The following KRTAP1-1 variants were observed in gnomAD, a reference collection of about 807,000 sequenced individuals.
KRTAP1-1 encodes the protein keratin-associated protein 1-1.
KRTAP1-1 carries 9 observed loss-of-function variants against 14.1 expected under a neutral mutation model. The observed-to-expected ratio is 0.64, with a 90% CI of 0.39 to 1.12. The LOEUF (loss-of-function observed/expected upper bound fraction) is 1.12. Ranked by LOEUF, KRTAP1-1 falls within the 50% of genes most tolerant of loss-of-function variation. KRTAP1-1 has a pLI of 0.01. For missense variants in KRTAP1-1, 179 were observed against 230.9 expected (o/e 0.78, Z 1.46); for synonymous variants, 77 against 80.5 (o/e 0.96, Z 0.23).
At position 41,041,194 on chromosome 17, in the gene KRTAP1-1, A is replaced by G; in HGVS notation, c.204T>C (p.Ser68=). 6.2e-7 allele frequency: 1 copy of G among 1,611,748 alleles called. No individual in the cohort carries two copies. The highest frequency in any genetic ancestry group is 1.7e-4 in the Middle Eastern group (1 of 6,054). Residue 68 remains serine, a synonymous_variant, in exon 1 of 1, where the codon TCT becomes TCC. Transcript: ENST00000306271. ...PSFSTGGTCD[S]SCCQPSCCET... ...CACAGCAGCTTGGCTGGCAGCAGCT[A>G]GAGTCACAAGTCCCACCGGTTGAGA...
rs1392186481 is a variant in KRTAP1-1, at chr17:41,041,009, A to G, written c.389T>C (p.Leu130Pro). The G allele has an allele frequency of 6.2e-7, 1 of 1,613,756 alleles. No individual in the cohort carries two copies. The highest frequency in any genetic ancestry group is 1.3e-5 in the African/African-American group (1 of 74,926). Residue 130 changes from leucine to proline, a missense_variant, in exon 1 of 1, where the codon CTG becomes CCG. Physicochemically the swap from Leu to Pro is moderately conservative, Grantham distance 98. Coordinates refer to ENST00000306271, the MANE Select transcript of KRTAP1-1 (RefSeq NM_030967.3). ...GCAGCTCACCACGCAGCAGGGGGGCAGGCAGGTACCCTCCACACGGCAGTC... is the reference window on the plus strand; with the variant it reads ...GCAGCTCACCACGCAGCAGGGGGGCGGGCAGGTACCCTCCACACGGCAGTC... The part of the protein sequence containing the change: ...RPDCRVEGTC[L>P]PPCCVVSCTP...
Position 41,040,891 on chromosome 17 carries a change from G to A in KRTAP1-1, c.507C>T (p.Cys169=). Residue 169 remains cysteine (C), a synonymous_variant, in exon 1 of 1, where the codon TGC becomes TGT. Coordinates refer to ENST00000306271, the MANE Select transcript of KRTAP1-1 (RefSeq NM_030967.3). ...CGQSCCRPVC[C]CYCSEPTC is the part of the protein sequence containing the mutation. ...AACAAGTGGGCTCAGAGCAGTAGCA[G>A]CAGCAGACTGGGCGGCAACAGGACT... The A allele has an allele frequency of 1.9e-6, 3 of 1,594,470 alleles. No homozygotes were observed. The highest frequency in any genetic ancestry group is 2.6e-6 in the Non-Finnish European group (3 of 1,167,156).
chr17:41,041,420 G>T lies in KRTAP1-1; in HGVS notation c.-23C>A. On this transcript the variant is annotated 5_prime_UTR_variant, in exon 1 of 1. Transcript: ENST00000306271. The stretch of plus-strand genomic sequence containing the variant: ...CATGGTGTCAGGAGTTGATCTGAAG[G>T]TTGGGTTGCTTGGAGGAGTTTCTGA... The T allele has an allele frequency of 6.2e-7, 1 of 1,609,864 alleles. No individual in the cohort carries two copies. Among genetic ancestry groups the T allele is most frequent in the Non-Finnish European group, 8.5e-7 (1 of 1,176,578 alleles).
In KRTAP1-1 at chr17:41,040,860, GT is replaced by G; in HGVS notation, c.*3del. ...TTATCAGGATCCCCAGCAGAAGGAG[GT>G]TTTCAACAAGTGGGCTCAGAGCAGT... On this transcript the variant is annotated 3_prime_UTR_variant, in exon 1 of 1. Coordinates refer to ENST00000306271, the MANE Select transcript of KRTAP1-1 (RefSeq NM_030967.3). The G allele has an allele frequency of 2.6e-6, 4 of 1,558,926 alleles. No individual in the cohort carries two copies. The highest frequency in any genetic ancestry group is 3.5e-6 in the Non-Finnish European group (4 of 1,151,018).
Position 41,040,914 on chromosome 17 carries a change from A to G in KRTAP1-1, c.484T>C (p.Ser162Pro), listed in dbSNP as rs1315150500. The change falls in exon 1 of 1, where the codon TCC (serine) becomes CCC (proline). Residue 162 changes from serine (S) to proline (P), a missense_variant. Physicochemically the swap from Ser to Pro is moderately conservative, Grantham distance 74. Transcript: ENST00000306271. ...SCCRPSYCGQ[S>P]CCRPVCCCYC... Reference sequence around the variant, plus strand: ...CAGCAGCAGACTGGGCGGCAACAGGACTGTCCACAGTAGGATGGGCGGCAG... The same window carrying G: ...CAGCAGCAGACTGGGCGGCAACAGGGCTGTCCACAGTAGGATGGGCGGCAG... 6.2e-7 allele frequency: 1 copy of G among 1,608,138 alleles called. No individual in the cohort carries two copies. Among genetic ancestry groups the G allele is most frequent in the Non-Finnish European group, 8.5e-7 (1 of 1,175,900 alleles).
In KRTAP1-1 at chr17:41,041,342, G is replaced by T. The variant is rs369511015; in HGVS notation, c.56C>A (p.Thr19Asn). 1 of 1,539,164 alleles carries T rather than the reference G, an allele frequency of 6.5e-7. No homozygotes were observed. Among genetic ancestry groups the T allele is most frequent in the Non-Finnish European group, 8.7e-7 (1 of 1,152,956 alleles). ...CGFPSCSTSG[T>N]CGSSCCQPSC... The stretch of plus-strand genomic sequence containing the variant: ...TGGCTGGCAGCAGCTGGAGCCGCAG[G>T]TCCCACTGGTGGAGCAGCTGGGAAA... Residue 19 changes from threonine to asparagine, a missense_variant, in exon 1 of 1, where the codon ACC becomes AAC. Physicochemically the swap from Thr to Asn is moderately conservative, Grantham distance 65. Coordinates refer to ENST00000306271, the MANE Select transcript of KRTAP1-1 (RefSeq NM_030967.3).
chr17:41,041,047 C>T lies in KRTAP1-1; in HGVS notation c.351G>A (p.Arg117=). 1 of 1,613,794 alleles carries T rather than the reference C, an allele frequency of 6.2e-7. No homozygotes were observed. Among genetic ancestry groups the T allele is most frequent in the African/African-American group, 1.3e-5 (1 of 75,054 alleles). The stretch of plus-strand genomic sequence containing the variant: ...CCACACGGCAGTCTGGGCGGCACCA[C>T]CTGATACGGGTGCTCACAGCTCCAC... The part of the protein sequence containing the change: ...GSSGAVSTRI[R]WCRPDCRVEG... The change falls in exon 1 of 1, where the codon AGG becomes AGA. Residue 117 remains arginine (R), a synonymous_variant. Transcript: ENST00000306271.
rs199855610 is a variant in KRTAP1-1, at chr17:41,041,015, G to A, written c.383C>T (p.Thr128Ile). 1.2e-6 allele frequency: 2 copies of A among 1,613,838 alleles called. No individual in the cohort carries two copies. Among genetic ancestry groups the A allele is most frequent in the Non-Finnish European group, 8.5e-7 (1 of 1,180,008 alleles). ...WCRPDCRVEG[T>I]CLPPCCVVSC... ...CACCACGCAGCAGGGGGGCAGGCAG[G>A]TACCCTCCACACGGCAGTCTGGGCG... Residue 128 changes from threonine (T) to isoleucine (I), a missense_variant, in exon 1 of 1, where the codon ACC becomes ATC. By Grantham distance (89) the Thr-to-Ile change is moderately conservative. Transcript: ENST00000306271.
In KRTAP1-1 at chr17:41,040,680, C is replaced by G. The variant is rs1372612204; in HGVS notation, c.*184G>C. The G allele has an allele frequency of 1.1e-5, 7 of 618,192 alleles. No homozygotes were observed. Among genetic ancestry groups the G allele is most frequent in the Admixed American group, 3.4e-5 (1 of 29,694 alleles). The allele number at this position is 618,192 out of a possible 1,614,324, so 38.3% of individuals were successfully genotyped here. A position where few individuals can be genotyped will look rare whatever the true frequency, so the allele number is the denominator to read the frequency against. Reference sequence around the variant, plus strand: ...ACATTGTAGGACTTTGGCTGACAACCAGGTCTAGGAAAAATTTTTGGTCTT... The same window carrying G: ...ACATTGTAGGACTTTGGCTGACAACGAGGTCTAGGAAAAATTTTTGGTCTT... On this transcript the variant is annotated 3_prime_UTR_variant, in exon 1 of 1. Transcript: ENST00000306271.
In KRTAP1-1 at chr17:41,040,668, TTGGC is replaced by T. The variant is rs2012688961; in HGVS notation, c.*192_*195del. 3.6e-6 allele frequency: 2 copies of T among 562,324 alleles called. No homozygotes were observed. Among genetic ancestry groups the T allele is most frequent in the Non-Finnish European group, 6.2e-6 (2 of 321,340 alleles). The allele number at this position is 562,324 out of a possible 1,614,324, so 34.8% of individuals were successfully genotyped here. On this transcript the variant is annotated 3_prime_UTR_variant, in exon 1 of 1. Coordinates refer to ENST00000306271, the MANE Select transcript of KRTAP1-1 (RefSeq NM_030967.3). The stretch of plus-strand genomic sequence containing the variant: ...CTAACTCTTTTCACATTGTAGGACT[TTGGC>T]TGACAACCAGGTCTAGGAAAAATTT...
chr17:41,041,030 C>A lies in KRTAP1-1; in HGVS notation c.368G>T (p.Cys123Phe). 1 of 1,613,828 alleles carries A rather than the reference C, an allele frequency of 6.2e-7. No homozygotes were observed. The highest frequency in any genetic ancestry group is 8.5e-7 in the Non-Finnish European group (1 of 1,180,022). The stretch of plus-strand genomic sequence containing the variant: ...GGGCAGGCAGGTACCCTCCACACGG[C>A]AGTCTGGGCGGCACCACCTGATACG... ...STRIRWCRPD[C>F]RVEGTCLPPC... Residue 123 changes from cysteine (C) to phenylalanine (F), a missense_variant, in exon 1 of 1, where the codon TGC (cysteine) becomes TTC (phenylalanine). Transcript: ENST00000306271.
chr17:41,041,055 G>C lies in KRTAP1-1; in HGVS notation c.343C>G (p.Arg115Gly). 1 of 1,613,776 alleles carries C rather than the reference G, an allele frequency of 6.2e-7. No individual in the cohort carries two copies. The highest frequency in any genetic ancestry group is 1.1e-5 in the South Asian group (1 of 91,066). The change falls in exon 1 of 1, where the codon CGT (arginine) becomes GGT (glycine). Residue 115 changes from arginine to glycine, a missense_variant. Arg to Gly is a moderately radical substitution (Grantham distance 125). Transcript: ENST00000306271. ...QEGSSGAVST[R>G]IRWCRPDCRV... ...CAGTCTGGGCGGCACCACCTGATAC[G>C]GGTGCTCACAGCTCCACTGCTGCCC...
At position 41,041,005 on chromosome 17, in the gene KRTAP1-1, G is replaced by T. The variant is rs534898730; in HGVS notation, c.393C>A (p.Pro131=). 46 of 1,613,852 alleles carry T rather than the reference G, an allele frequency of 2.9e-5. No homozygotes were observed. Among genetic ancestry groups the T allele is most frequent in the Non-Finnish European group, 3.8e-5 (45 of 1,180,014 alleles). Residue 131 remains proline (P), a synonymous_variant, in exon 1 of 1, where the codon CCC becomes CCA. Coordinates refer to ENST00000306271, the MANE Select transcript of KRTAP1-1 (RefSeq NM_030967.3). ...PDCRVEGTCL[P]PCCVVSCTPP... Reference sequence around the variant, plus strand: ...GTGTGCAGCTCACCACGCAGCAGGGGGGCAGGCAGGTACCCTCCACACGGC... The same window carrying T: ...GTGTGCAGCTCACCACGCAGCAGGGTGGCAGGCAGGTACCCTCCACACGGC...
chr17:41,041,290 C>T lies in KRTAP1-1; in HGVS notation c.108G>A (p.Gln36=), dbSNP rs954802870. The part of the protein sequence containing the change: ...QPSCCETSSC[Q]PRCCETSCCQ... Reference sequence around the variant, plus strand: ...AGCAGCTGGTCTCACAGCAGCGTGGCTGGCAGGAGCTGGTCTCACAGCAGC... The same window carrying T: ...AGCAGCTGGTCTCACAGCAGCGTGGTTGGCAGGAGCTGGTCTCACAGCAGC... Residue 36 remains glutamine, a synonymous_variant, in exon 1 of 1, where the codon CAG becomes CAA. Coordinates refer to ENST00000306271, the MANE Select transcript of KRTAP1-1 (RefSeq NM_030967.3). 1 of 1,515,600 alleles carries T rather than the reference C, an allele frequency of 6.6e-7. No homozygotes were observed. The highest frequency in any genetic ancestry group is 8.7e-7 in the Non-Finnish European group (1 of 1,144,290). 93.9% of individuals were successfully genotyped at this position (1,515,600 alleles called of 1,614,324 possible). A position where few individuals can be genotyped will look rare whatever the true frequency, so the allele number is the denominator to read the frequency against.
rs2012720395 is a variant in KRTAP1-1, at chr17:41,041,445, A to G, written c.-48T>C. 9 of 1,590,902 alleles carry G rather than the reference A, an allele frequency of 5.7e-6. No homozygotes were observed. The highest frequency in any genetic ancestry group is 1.3e-5 in the African/African-American group (1 of 74,384). On this transcript the variant is annotated 5_prime_UTR_variant, in exon 1 of 1. Transcript: ENST00000306271. Reference sequence around the variant, plus strand: ...GTTGGGTTGCTTGGAGGAGTTTCTGAATTATGGCTGCCTATTCCACTGCCG... The same window carrying G: ...GTTGGGTTGCTTGGAGGAGTTTCTGGATTATGGCTGCCTATTCCACTGCCG...
In KRTAP1-1 at chr17:41,041,246, T is replaced by G. The variant is rs776265493; in HGVS notation, c.152A>C (p.Gln51Pro). 6 of 1,594,934 alleles carry G rather than the reference T, an allele frequency of 3.8e-6. No individual in the cohort carries two copies. In the South Asian group the frequency reaches 5.7e-5, roughly 15 times the overall value. ...ETSCCQPSCC[Q>P]TSFCGFPSFS... is the part of the protein sequence containing the mutation. ...GCTAGGAAATCCACAGAAGCTGGTC[T>G]GGCAGCAGCTTGGCTGGCAGCAGCT... Residue 51 changes from glutamine to proline, a missense_variant, in exon 1 of 1, where the codon CAG becomes CCG. Coordinates refer to ENST00000306271, the MANE Select transcript of KRTAP1-1 (RefSeq NM_030967.3).
Position 41,041,424 on chromosome 17 carries a change from G to A in KRTAP1-1, c.-27C>T. On this transcript the variant is annotated 5_prime_UTR_variant, in exon 1 of 1. Transcript: ENST00000306271. Reference sequence around the variant, plus strand: ...GTGTCAGGAGTTGATCTGAAGGTTGGGTTGCTTGGAGGAGTTTCTGAATTA... The same window carrying A: ...GTGTCAGGAGTTGATCTGAAGGTTGAGTTGCTTGGAGGAGTTTCTGAATTA... The A allele has an allele frequency of 6.2e-7, 1 of 1,609,172 alleles. No individual in the cohort carries two copies.
chr17:41,041,297 G>A lies in KRTAP1-1; in HGVS notation c.101C>T (p.Ser34Phe). Residue 34 changes from serine (S) to phenylalanine (F), a missense_variant, in exon 1 of 1, where the codon TCC (serine) becomes TTC (phenylalanine). By Grantham distance (155) the Ser-to-Phe change is radical. Transcript: ENST00000306271. ...GGTCTCACAGCAGCGTGGCTGGCAG[G>A]AGCTGGTCTCACAGCAGCTTGGCTG... ...CCQPSCCETS[S>F]CQPRCCETSC... 6.8e-7 allele frequency: 1 copy of A among 1,460,326 alleles called. No homozygotes were observed. Among genetic ancestry groups the A allele is most frequent in the Non-Finnish European group, 9.0e-7 (1 of 1,112,966 alleles). The allele number at this position is 1,460,326 out of a possible 1,614,324, so 90.5% of individuals were successfully genotyped here.
Position 41,040,868 on chromosome 17 carries a change from C to A in KRTAP1-1, c.530G>T (p.Cys177Phe). 1 of 1,563,534 alleles carries A rather than the reference C, an allele frequency of 6.4e-7. No individual in the cohort carries two copies. The highest frequency in any genetic ancestry group is 1.2e-5 in the South Asian group (1 of 82,898). The part of the protein sequence containing the change: ...VCCCYCSEPT[C>F] ...ATCCCCAGCAGAAGGAGGTTTTCAA[C>A]AAGTGGGCTCAGAGCAGTAGCAGCA... The change falls in exon 1 of 1, where the codon TGT (cysteine) becomes TTT (phenylalanine). Residue 177 changes from cysteine to phenylalanine, a missense_variant. Physicochemically the swap from Cys to Phe is radical, Grantham distance 205 (BLOSUM62 -2). Transcript: ENST00000306271.
Sources: gnomAD v4.1 joint callset for allele counts on GRCh38, gnomAD v4.1.1 for gene constraint, MANE v1.5 for transcripts, NCBI Gene and HGNC (gene_info 2026-07-23, HGNC 2026-07-21) for gene names.